RRAS2: variants seen among roughly 807,000 people sequenced by gnomAD.
RRAS2 encodes RAS related 2.
Under a neutral mutation model 27.6 loss-of-function variants are expected in RRAS2, and 7 were observed. The observed-to-expected ratio is 0.25, with a 90% CI of 0.14 to 0.48. RRAS2 has a LOEUF of 0.48. Among genes scored for constraint, RRAS2 ranks in the 20% least tolerant of loss-of-function variants. RRAS2 has a pLI of 0.99. For missense variants in RRAS2, 178 were observed against 256.2 expected (o/e 0.69, Z 2.08); for synonymous variants, 86 against 90.9 (o/e 0.95, Z 0.31).
chr11:14,333,909 C>T (rs1330158306), intron 1 of RRAS2, among the ~76,000 whole-genome samples: 1 of 152,188 alleles, frequency 6.6e-6, no homozygotes, highest in East Asian at 1.9e-4. Context: ...GAATTACAGG[C>T]GTCAGCCATC....
At chr11:14,318,979 A>C (rs1210598404) in intron 1 of RRAS2, among the ~76,000 whole-genome samples, 8 of 152,176 alleles carry the variant, frequency 5.3e-5, no homozygotes, top group African/African-American at 1.9e-4. Context: ...CAGTCCATGA[A>C]GTAGGTGGTC....
At chr11:14,300,665 C>G (rs1847675254) in intron 1 of RRAS2, among the ~76,000 whole-genome samples, 1 of 152,084 alleles carries the variant, frequency 6.6e-6, no homozygotes, top group Non-Finnish European at 1.5e-5. Context: ...CTGGGATAAG[C>G]AGGATAATCC....
chr11:14,336,026 GCACC>G (rs1848582506), intron 1 of RRAS2, among the ~76,000 whole-genome samples: 1 of 152,208 alleles, frequency 6.6e-6, no homozygotes. Context: ...CTGTAAAGGG[GCACC>G]CCAACACCCC....
intron 1 of RRAS2, among the ~76,000 whole-genome samples, chr11:14,348,367 C>G (rs1848882077): frequency 6.6e-6 from 1 of 152,170 alleles, no homozygotes; most frequent in Non-Finnish European, 1.5e-5. Context: ...ATCTACTACT[C>G]TCAAACTTTC....
intron 4 of RRAS2, among the ~76,000 whole-genome samples, chr11:14,290,542 A>C (rs1849784229): frequency 6.6e-6 from 1 of 152,212 alleles, no homozygotes; most frequent in Non-Finnish European, 1.5e-5. Context: ...AGGGTGGGAG[A>C]TAAGGCATGT....
chr11:14,286,685 A>G (rs180937384), intron 4 of RRAS2, among the ~76,000 whole-genome samples: 3 of 152,220 alleles, frequency 2.0e-5, no homozygotes, highest in Non-Finnish European at 2.9e-5. Context: ...CAACTACTTC[A>G]TAACTGTTTG....
intron 5 of RRAS2, among the ~76,000 whole-genome samples, chr11:14,281,012 TTC>T (rs782540044): frequency 3.1e-4 from 47 of 152,270 alleles, no homozygotes; most frequent in Non-Finnish European, 6.3e-4. Flanking sequence ...AACAGAAAAA[TTC>T]TCTGTTGTGT....
At chr11:14,298,565 T>C (rs1407198624) in intron 1 of RRAS2, among the ~76,000 whole-genome samples, 1 of 152,240 alleles carries the variant, frequency 6.6e-6, no homozygotes, top group Non-Finnish European at 1.5e-5. Flanking sequence ...GCCATACTGC[T>C]ACATGCATTT....
At chr11:14,285,177 C>G (rs530725055) in intron 4 of RRAS2, among the ~76,000 whole-genome samples, 1 of 152,140 alleles carries the variant, frequency 6.6e-6, no homozygotes, top group South Asian at 2.1e-4. Context: ...GTGGCTGCTT[C>G]AGAATTTATG....
chr11:14,321,178 CAAA>C (rs782758464), intron 1 of RRAS2, among the ~76,000 whole-genome samples: 8 of 133,992 alleles, frequency 6.0e-5, no homozygotes, highest in Non-Finnish European at 1.1e-4. Flanking sequence ...GACTCCATCT[CAAA>C]AAAAAAAAAA....
intron 4 of RRAS2, among the ~76,000 whole-genome samples, chr11:14,287,508 T>C (rs1471523767): frequency 6.6e-6 from 1 of 152,138 alleles, no homozygotes; most frequent in Non-Finnish European, 1.5e-5. Context: ...AAAAGATACC[T>C]TGTCCTACCC....
chr11:14,290,454 G>T (rs556013608), intron 4 of RRAS2, among the ~76,000 whole-genome samples: 2 of 151,602 alleles, frequency 1.3e-5, no homozygotes, highest in African/African-American at 2.4e-5. Flanking sequence ...TTTCAGGGGG[G>T]AAAAAAAAGG....
In RRAS2 at chr11:14,358,819, C is replaced by T; in HGVS notation, c.52G>A (p.Val18Met). The T allele has an allele frequency of 1.3e-6, 2 of 1,488,326 alleles. No homozygotes were observed. Among genetic ancestry groups the T allele is most frequent in the Non-Finnish European group, 1.8e-6 (2 of 1,113,916 alleles). The allele number at this position is 1,488,326 out of a possible 1,614,324, so 92.2% of individuals were successfully genotyped here. A position where few individuals can be genotyped will look rare whatever the true frequency, so the allele number is the denominator to read the frequency against. The change falls in exon 1 of 6, where the codon GTG becomes ATG. Residue 18 changes from valine to methionine, a missense_variant. Val to Met is a conservative substitution (Grantham distance 21). Coordinates refer to ENST00000256196, the MANE Select transcript of RRAS2 (RefSeq NM_012250.6). This position sits in a 1 kb window ranked among gnomAD's most constrained non-coding sequence, Gnocchi z 5.1. ...CCCACGCCGCCCCCGCCGACCACCA[C>T]GAGCCGGTACTTCTCCTGGCCGGAG... ...DGSGQEKYRL[V>M]VVGGGGVGKS...
At chr11:14,329,101 A>G (rs1256780326) in intron 1 of RRAS2, among the ~76,000 whole-genome samples, 1 of 147,188 alleles carries the variant, frequency 6.8e-6, no homozygotes, top group Non-Finnish European at 1.5e-5. Context: ...ACACACACGC[A>G]TATACATATA....
At chr11:14,311,420 G>C (rs1230601532) in intron 1 of RRAS2, among the ~76,000 whole-genome samples, 2 of 152,096 alleles carry the variant, frequency 1.3e-5, no homozygotes, top group African/African-American at 4.8e-5. Flanking sequence ...AGGCTGGAGT[G>C]CAGTGGCACA....
intron 1 of RRAS2, among the ~76,000 whole-genome samples, chr11:14,313,365 T>C (rs1591464467): frequency 6.6e-6 from 1 of 152,332 alleles, no homozygotes; most frequent in Non-Finnish European, 1.5e-5. Flanking sequence ...ATGCATATAA[T>C]ATAGGTCAGA....
chr11:14,289,794 C>A (rs1338544940), intron 4 of RRAS2, among the ~76,000 whole-genome samples: 3 of 152,168 alleles, frequency 2.0e-5, no homozygotes, highest in African/African-American at 4.8e-5. Flanking sequence ...GATGATATCC[C>A]TGAACCCTGG....
chr11:14,358,956 C>A lies in RRAS2; in HGVS notation c.-86G>T. On this transcript the variant is annotated 5_prime_UTR_variant, in exon 1 of 6. Coordinates refer to ENST00000256196, the MANE Select transcript of RRAS2 (RefSeq NM_012250.6). The surrounding 1 kb of genome is among the most constrained non-coding windows in gnomAD (Gnocchi z 5.1). ...CGGCTCCGGGGACGTGTGCGGCCGG[C>A]GGGCTGCGGGCGAGCGGCCGGGCTG... The A allele has an allele frequency of 8.6e-7, 1 of 1,161,490 alleles. No homozygotes were observed. The highest frequency in any genetic ancestry group is 4.0e-5 in the South Asian group (1 of 25,008). 71.9% of individuals were successfully genotyped at this position (1,161,490 alleles called of 1,614,324 possible). A position where few individuals can be genotyped will look rare whatever the true frequency, so the allele number is the denominator to read the frequency against.
At chr11:14,279,948 AAAAAC>A (rs1849476787) in intron 5 of RRAS2, among the ~76,000 whole-genome samples, 2 of 152,226 alleles carry the variant, frequency 1.3e-5, no homozygotes, top group Non-Finnish European at 2.9e-5. Context: ...TCCTGGCATT[AAAAAC>A]AAAACAAACA....
Sources: allele counts gnomAD v4.1 joint callset (sites outside exome capture counted in the v4.1 genomes callset), GRCh38; gene constraint gnomAD v4.1.1; non-coding constraint Gnocchi (gnomAD v3.1); transcripts MANE v1.5; gene names NCBI Gene and HGNC (gene_info 2026-07-23, HGNC 2026-07-21).